ACACB: variants seen among roughly 807,000 people sequenced by gnomAD.
ACACB encodes acetyl-CoA carboxylase beta, also known as acetyl-CoA carboxylase 2.
Under a neutral mutation model 278.8 loss-of-function variants are expected in ACACB, and 209 were observed. The ratio of observed to expected loss-of-function variants is 0.75; its 90% CI spans 0.67 to 0.84. The LOEUF is 0.84. Ranked by LOEUF, ACACB falls within the 40% of genes least tolerant of loss-of-function variation. ACACB has a pLI of 0.00. For missense variants in ACACB, 2,850 were observed against 3,269.0 expected (o/e 0.87, Z 3.13); for synonymous variants, 1,174 against 1,285.6 (o/e 0.91, Z 1.86).
chr12:109,211,444 G>T (rs1159249178), intron 21 of ACACB, among the ~76,000 whole-genome samples: 1 of 150,394 alleles, frequency 6.6e-6, no homozygotes, highest in Non-Finnish European at 1.5e-5. Context: ...GTGAAGATGG[G>T]TTTTCACCAT....
At chr12:109,112,741 A>G (rs2042334111), upstream of ACACB, among the ~76,000 whole-genome samples, 1 of 150,096 alleles carries the variant, frequency 6.7e-6, no homozygotes, top group Non-Finnish European at 1.5e-5. Flanking sequence ...ATGAACTCTT[A>G]GCTATGTGGT....
chr12:109,262,367 C>A lies in ACACB; in HGVS notation c.6685C>A (p.Leu2229Met), dbSNP rs747150912. 1.2e-6 allele frequency: 2 copies of A among 1,613,190 alleles called. No homozygotes were observed. The highest frequency in any genetic ancestry group is 2.2e-5 in the South Asian group (2 of 91,000). Residue 2229 changes from leucine (L) to methionine (M), a missense_variant, in exon 49 of 53, where the codon CTG (leucine) becomes ATG (methionine). Coordinates refer to ENST00000338432, the MANE Select transcript of ACACB (RefSeq NM_001093.4). ...YADKESRGGV[L>M]EPEGTVEIKF... ...CTCTTCTCTTTTAAGGGGTGGTGTT[C>A]TGGAACCAGAGGGGACAGTGGAGAT...
intron 16 of ACACB, among the ~76,000 whole-genome samples, chr12:109,196,453 C>G (rs1259980855): frequency 6.6e-6 from 1 of 152,182 alleles, no homozygotes; most frequent in African/African-American, 2.4e-5. Flanking sequence ...TGTCCTTTCG[C>G]TATGTCCTTA....
intron 52 of ACACB, 97 bp downstream of exon 52, chr12:109,265,622 G>T: frequency 2.8e-6 from 4 of 1,443,532 alleles, no homozygotes; most frequent in Non-Finnish European, 3.7e-6. Context: ...ACTTGAACCC[G>T]CCACCCTGTG....
At chr12:109,263,036 TTGGGGCTGA>T (rs2047426051) in intron 49 of ACACB, 1 of 140,906 alleles carries the variant, frequency 7.1e-6, no homozygotes. Context: ...ATTGAAGTAT[TTGGGGCTGA>T]TGGGGATTAT....
intron 28 of ACACB, 116 bp downstream of exon 28, chr12:109,227,605 A>G: frequency 1.1e-6 from 1 of 933,356 alleles, no homozygotes. Flanking sequence ...GGGAGACATC[A>G]GCGATAAGCA....
At chr12:109,184,273 G>A (rs1002351729) in intron 11 of ACACB, among the ~76,000 whole-genome samples, 2 of 152,014 alleles carry the variant, frequency 1.3e-5, no homozygotes, top group South Asian at 2.1e-4. Context: ...GGCTGGTCTC[G>A]AACTCCTGAC....
intron 22 of ACACB, among the ~76,000 whole-genome samples, chr12:109,216,413 G>C (rs2046000127): frequency 6.6e-6 from 1 of 151,140 alleles, no homozygotes; most frequent in South Asian, 2.1e-4. Flanking sequence ...GTAGAGACAG[G>C]GTTTCACCAT....
intron 3 of ACACB, among the ~76,000 whole-genome samples, chr12:109,167,621 G>GTGTATATATATATATATA (rs1555210640): frequency 5.2e-5 from 4 of 77,526 alleles, no homozygotes; most frequent in East Asian, 6.7e-4. Context: ...ATATGTATGT[G>GTGTATATATATATATATA]TATATATATA....
At chr12:109,184,877 T>C (rs1471871180) in intron 11 of ACACB, among the ~76,000 whole-genome samples, 1 of 151,974 alleles carries the variant, frequency 6.6e-6, no homozygotes, top group Non-Finnish European at 1.5e-5. Flanking sequence ...TGGCTAATGT[T>C]TTTTTAATTT....
In ACACB at chr12:109,191,594, A is replaced by T. The variant is rs1051723192; in HGVS notation, c.2145-19A>T. 1.9e-6 allele frequency: 3 copies of T among 1,613,666 alleles called. No homozygotes were observed. Among genetic ancestry groups the T allele is most frequent in the Non-Finnish European group, 2.5e-6 (3 of 1,179,772 alleles). On this transcript the variant is annotated intron_variant, in intron 13 of 52. Coordinates refer to ENST00000338432, the MANE Select transcript of ACACB (RefSeq NM_001093.4). Reference sequence around the variant, plus strand: ...TATGCATGAATTTGGAAAATGATCCATGTGCCTTTCCCTTCAAGGAACATG... The same window carrying T: ...TATGCATGAATTTGGAAAATGATCCTTGTGCCTTTCCCTTCAAGGAACATG...
chr12:109,219,554 T>C (rs984376850), intron 24 of ACACB, among the ~76,000 whole-genome samples: 1 of 152,202 alleles, frequency 6.6e-6, no homozygotes, highest in Non-Finnish European at 1.5e-5. Flanking sequence ...ATTGGTTTAA[T>C]GTTCAGTTTC....
intron 1 of ACACB, among the ~76,000 whole-genome samples, chr12:109,132,328 C>A (rs1292429432): frequency 6.6e-6 from 1 of 152,018 alleles, no homozygotes; most frequent in African/African-American, 2.4e-5. Context: ...CCACGCCCAG[C>A]TAATTTTTGT....
At chr12:109,258,569 T>A (rs1321623800) in intron 46 of ACACB, among the ~76,000 whole-genome samples, 1 of 152,158 alleles carries the variant, frequency 6.6e-6, no homozygotes, top group Non-Finnish European at 1.5e-5. Flanking sequence ...ATCTTGCTTC[T>A]TCCTCAGCAG....
intron 21 of ACACB, among the ~76,000 whole-genome samples, chr12:109,210,479 A>G (rs1025223685): frequency 9.4e-5 from 14 of 148,338 alleles, no homozygotes; most frequent in Admixed American, 2.7e-4. Flanking sequence ...ATACATGTGT[A>G]TATGTGTATA....
chr12:109,228,458 C>A (rs1389067992), intron 28 of ACACB, among the ~76,000 whole-genome samples: 1 of 151,506 alleles, frequency 6.6e-6, no homozygotes, highest in Middle Eastern at 3.2e-3. Context: ...TGGAGTTTGA[C>A]ACCAGCCCGG....
intron 1 of ACACB, among the ~76,000 whole-genome samples, chr12:109,130,476 G>T (rs7305012): frequency 6.6e-6 from 1 of 152,040 alleles, no homozygotes; most frequent in African/African-American, 2.4e-5. Context: ...GCCTGGAGCC[G>T]GGGATCTTGG....
intron 26 of ACACB, among the ~76,000 whole-genome samples, chr12:109,223,378 G>A (rs953985249): frequency 3.3e-5 from 5 of 152,124 alleles, no homozygotes; most frequent in African/African-American, 4.8e-5. Context: ...AGCCCAGCGC[G>A]CTGCAGGGCA....
Position 109,242,554 on chromosome 12 carries a change from A to T in ACACB, c.5140A>T (p.Thr1714Ser). ...AKRFQAQTLG[T>S]TYIYDFPEMF... Reference sequence around the variant, plus strand: ...GCGATTCCAGGCCCAGACCCTGGGAACCACCTACATCTATGACTTCCCGGA... The same window carrying T: ...GCGATTCCAGGCCCAGACCCTGGGATCCACCTACATCTATGACTTCCCGGA... The change falls in exon 37 of 53, where the codon ACC becomes TCC. Residue 1714 changes from threonine (T) to serine (S), a missense_variant. This residue lies in a region of ACACB where 2,265 missense variants were observed against 2,561.3 expected (regional missense o/e 0.88). Coordinates refer to ENST00000338432, the MANE Select transcript of ACACB (RefSeq NM_001093.4). The T allele has an allele frequency of 6.2e-7, 1 of 1,614,154 alleles. No homozygotes were observed. Among genetic ancestry groups the T allele is most frequent in the Non-Finnish European group, 8.5e-7 (1 of 1,180,000 alleles).
Sources: allele counts gnomAD v4.1 joint callset (sites outside exome capture counted in the v4.1 genomes callset), GRCh38; gene constraint gnomAD v4.1.1; regional missense constraint gnomAD v4.1.1; transcripts MANE v1.5; gene names NCBI Gene and HGNC (gene_info 2026-07-23, HGNC 2026-07-21).